Variants in C1QTNF7 observed in about 807,000 individuals in gnomAD.
C1QTNF7 encodes C1q and TNF related 7, also known as complement C1q tumor necrosis factor-related protein 7.
C1QTNF7 carries 15 observed loss-of-function variants against 19.6 expected under a neutral mutation model. The ratio of observed to expected loss-of-function variants is 0.76; its 90% confidence interval spans 0.51 to 1.18. The LOEUF (loss-of-function observed/expected upper bound fraction) is 1.18, where lower values mean the gene tolerates loss of function less well. Among genes scored for constraint, C1QTNF7 ranks in the 50% most tolerant of loss-of-function variants. The probability of loss-of-function intolerance (pLI) is 0.00; values close to 1 mark genes in which losing one functional copy is unlikely to be tolerated. For synonymous variants in C1QTNF7, 142 were observed against 137.5 expected (o/e 1.03, Z -0.23); for missense variants, 324 against 359.7 (o/e 0.90, Z 0.80).
intron 1 of C1QTNF7, among the ~76,000 whole-genome samples, chr4:15,350,505 A>T (rs552833547): frequency 3.2e-4 from 49 of 152,242 alleles, no homozygotes; most frequent in Admixed American, 1.4e-3. Flanking sequence ...AGATCTGCAG[A>T]TGAATTCCTC....
chr4:15,359,673 A>G (rs1325947072), intron 1 of C1QTNF7, among the ~76,000 whole-genome samples: 1 of 152,136 alleles, frequency 6.6e-6, no homozygotes, highest in Non-Finnish European at 1.5e-5. Context: ...GGACTACGAG[A>G]TCTTTAAAAT....
At position 15,371,927 on chromosome 4, in the gene C1QTNF7, TAGGAA is replaced by T. The variant is rs140102569; in HGVS notation, c.13+31734_13+31738del. Among the ~76,000 whole-genome samples the T allele has an allele frequency of 7.6e-3, 1,141 of 149,868 alleles. 18 individuals are homozygous for T. Among genetic ancestry groups the T allele is most frequent in the African/African-American group, 0.027 (1,082 of 40,686 alleles). On this transcript the variant is annotated intron_variant, in intron 1 of 2. Coordinates refer to the C1QTNF7 transcript ENST00000295297. ...CTCCAGGCAACTCAATAGGAAAGAG[TAGGAA>T]AGGAAAGGAAAGGGTCACAGCTCAG...
chr4:15,418,319 C>T (rs1711543493), intron 1 of C1QTNF7, among the ~76,000 whole-genome samples: 1 of 152,126 alleles, frequency 6.6e-6, no homozygotes, highest in African/African-American at 2.4e-5. Flanking sequence ...CATGGAACCC[C>T]ATTGCTGTTA....
In C1QTNF7 at chr4:15,406,252, C is replaced by T. The variant is rs115354750; in HGVS notation, c.14-29484C>T. 7.4e-3 allele frequency among the ~76,000 whole-genome samples: 1,130 copies of T among 152,308 alleles called. 17 individuals are homozygous for T. The highest frequency in any genetic ancestry group is 0.025 in the African/African-American group (1,048 of 41,558). ...CAGGATCCACACTTTGCACCTAATA[C>T]ATATTCAATAGCTCTCTGTTGAATG... On this transcript the variant is annotated intron_variant, in intron 1 of 2. Coordinates refer to the C1QTNF7 transcript ENST00000295297.
chr4:15,394,093 A>C (rs1577254440), intron 1 of C1QTNF7, among the ~76,000 whole-genome samples: 1 of 152,238 alleles, frequency 6.6e-6, no homozygotes, highest in Admixed American at 6.5e-5. Flanking sequence ...TGAGAGAATG[A>C]GCCTGTGAAG....
At chr4:15,413,821 C>A (rs1294422028) in intron 1 of C1QTNF7, among the ~76,000 whole-genome samples, 1 of 152,174 alleles carries the variant, frequency 6.6e-6, no homozygotes, top group Non-Finnish European at 1.5e-5. Flanking sequence ...AACCACAATA[C>A]CGCGTGATCC....
At chr4:15,412,891 T>C (rs1055246164) in intron 1 of C1QTNF7, among the ~76,000 whole-genome samples, 5 of 152,200 alleles carry the variant, frequency 3.3e-5, no homozygotes, top group African/African-American at 1.2e-4. Flanking sequence ...AATCAATCCC[T>C]CTCAGTTTTT....
intron 1 of C1QTNF7, among the ~76,000 whole-genome samples, chr4:15,364,004 A>T (rs1717429656): frequency 6.6e-6 from 1 of 152,144 alleles, no homozygotes; most frequent in Non-Finnish European, 1.5e-5. Flanking sequence ...TAGAAATGCA[A>T]TGTCAGCTTC....
chr4:15,414,350 CTTTT>C (rs1260375376), intron 1 of C1QTNF7, among the ~76,000 whole-genome samples: 3 of 152,154 alleles, frequency 2.0e-5, no homozygotes, highest in Non-Finnish European at 4.4e-5. Flanking sequence ...GGGTTTCTTT[CTTTT>C]TATTTTTCTC....
At chr4:15,420,454 T>A (rs1711695378) in intron 1 of C1QTNF7, among the ~76,000 whole-genome samples, 1 of 152,130 alleles carries the variant, frequency 6.6e-6, no homozygotes, top group African/African-American at 2.4e-5. Flanking sequence ...CTAAACACTA[T>A]TGAAAGAAAA....
At chr4:15,370,950 G>GTT (rs1173007509) in intron 1 of C1QTNF7, among the ~76,000 whole-genome samples, 1 of 152,186 alleles carries the variant, frequency 6.6e-6, no homozygotes, top group Non-Finnish European at 1.5e-5. Flanking sequence ...GCTTCTTGAG[G>GTT]TTCCCTAAAC....
chr4:15,435,415 T>C (rs1577282708), intron 1 of C1QTNF7, among the ~76,000 whole-genome samples: 1 of 152,238 alleles, frequency 6.6e-6, no homozygotes, highest in South Asian at 2.1e-4. Flanking sequence ...AAATGCACTA[T>C]GTTTGTAAAA....
chr4:15,360,812 A>G (rs1418440197), intron 1 of C1QTNF7, among the ~76,000 whole-genome samples: 1 of 152,184 alleles, frequency 6.6e-6, no homozygotes, highest in East Asian at 1.9e-4. Flanking sequence ...TGAATTTGCA[A>G]TTATAGAACC....
chr4:15,344,244 AT>A (rs1716640435), intron 1 of C1QTNF7, among the ~76,000 whole-genome samples: 1 of 152,222 alleles, frequency 6.6e-6, no homozygotes, highest in African/African-American at 2.4e-5. Context: ...CAAAGTTTAG[AT>A]TTTCTTTAAA....
upstream of C1QTNF7, among the ~76,000 whole-genome samples, chr4:15,427,126 C>T (rs1012434861): frequency 3.9e-5 from 6 of 152,044 alleles, no homozygotes; most frequent in Admixed American, 2.0e-4. Flanking sequence ...CTGGTCAGAA[C>T]GGGGAGCCCA....
At position 15,435,810 on chromosome 4, in the gene C1QTNF7, T is replaced by G; in HGVS notation, c.67T>G (p.Leu23Val). The G allele has an allele frequency of 6.2e-7, 1 of 1,614,088 alleles. No homozygotes were observed. Among genetic ancestry groups the G allele is most frequent in the East Asian group, 2.2e-5 (1 of 44,868 alleles). The change falls in exon 2 of 3, where the codon TTG (leucine) becomes GTG (valine). Residue 23 changes from leucine (L) to valine (V), a missense_variant. Transcript: ENST00000444304. ...CAGTGGACAACCCCGGGGTAATCAGTTGAAAGGAGAGAACTACTCCCCCAG... is the reference window on the plus strand; with the variant it reads ...CAGTGGACAACCCCGGGGTAATCAGGTGAAAGGAGAGAACTACTCCCCCAG... ...CASGQPRGNQ[L>V]KGENYSPRYI...
chr4:15,400,943 G>A (rs1718967861), intron 1 of C1QTNF7, among the ~76,000 whole-genome samples: 1 of 152,128 alleles, frequency 6.6e-6, no homozygotes, highest in Non-Finnish European at 1.5e-5. Context: ...GGGGAAAGGG[G>A]ACATGTAGGT....
At chr4:15,407,856 G>A (rs1038146426) in intron 1 of C1QTNF7, among the ~76,000 whole-genome samples, 1 of 152,130 alleles carries the variant, frequency 6.6e-6, no homozygotes. Flanking sequence ...AACCCAGAAG[G>A]CGGAGGTTGC....
chr4:15,383,553 G>A (rs1419087794), intron 1 of C1QTNF7, among the ~76,000 whole-genome samples: 1 of 152,162 alleles, frequency 6.6e-6, no homozygotes, highest in Non-Finnish European at 1.5e-5. Context: ...CCTTTCACTT[G>A]CAATGGCCAA....
Sources: allele counts gnomAD v4.1 joint callset (sites outside exome capture counted in the v4.1 genomes callset), GRCh38; gene constraint gnomAD v4.1.1; transcripts MANE v1.5; gene names NCBI Gene and HGNC (gene_info 2026-07-23, HGNC 2026-07-21).